The following ULK4 variants were observed in gnomAD, a reference collection of about 807,000 sequenced individuals.
ULK4 encodes the protein inactive serine/threonine-protein kinase ULK4.
A neutral mutation model predicts 160.6 loss-of-function variants in ULK4; 133 were observed. The ratio of observed to expected loss-of-function variants is 0.83; its 90% confidence interval spans 0.72 to 0.96. ULK4 has a LOEUF of 0.96. Among genes scored for constraint, ULK4 ranks in the 40% least tolerant of loss-of-function variants. The probability of loss-of-function intolerance (pLI) is 0.00; values close to 1 mark genes in which losing one functional copy is unlikely to be tolerated. For synonymous variants in ULK4, 534 were observed against 539.8 expected (o/e 0.99, Z 0.15); for missense variants, 1,580 against 1,499.5 (o/e 1.05, Z -0.89).
chr3:41,469,897 A>G (rs963474994), intron 32 of ULK4, among the ~76,000 whole-genome samples: 3 of 150,990 alleles, frequency 2.0e-5, no homozygotes, highest in Admixed American at 6.6e-5. Context: ...AAATTATCCA[A>G]TCAGAGCTGC....
chr3:41,806,217 G>C (rs1287616130), intron 19 of ULK4, among the ~76,000 whole-genome samples: 1 of 148,704 alleles, frequency 6.7e-6, no homozygotes, highest in Non-Finnish European at 1.5e-5. Flanking sequence ...TCTTGGGAGG[G>C]TGTATGTGTC....
At chr3:41,793,567 G>A (rs189226635) in intron 20 of ULK4, among the ~76,000 whole-genome samples, 2 of 152,132 alleles carry the variant, frequency 1.3e-5, no homozygotes, top group African/African-American at 4.8e-5. Flanking sequence ...ACAGAGAAGA[G>A]GAAGTAGTTA....
chr3:41,933,028 C>A (rs1429674184), intron 4 of ULK4, among the ~76,000 whole-genome samples: 1 of 152,138 alleles, frequency 6.6e-6, no homozygotes, highest in Non-Finnish European at 1.5e-5. Context: ...TGCATGAGAG[C>A]GAGACCCTGT....
chr3:41,681,840 T>G, intron 27 of ULK4, 36 bp from the exon 28 acceptor site: 1 of 1,609,098 alleles, frequency 6.2e-7, no homozygotes, highest in South Asian at 1.1e-5. Flanking sequence ...AGAATCTCTA[T>G]GAACACAAAA....
At chr3:41,823,387 T>C (rs2041217019) in intron 18 of ULK4, among the ~76,000 whole-genome samples, 1 of 152,118 alleles carries the variant, frequency 6.6e-6, no homozygotes. Context: ...GCCCAGAAGG[T>C]AATTACAGAG....
At chr3:41,355,019 C>T (rs1181803952) in intron 35 of ULK4, among the ~76,000 whole-genome samples, 1 of 152,188 alleles carries the variant, frequency 6.6e-6, no homozygotes, top group Non-Finnish European at 1.5e-5. Context: ...GCTCTCAACT[C>T]TCTACCACAC....
rs374115785 is a variant in ULK4, at chr3:41,681,213, C to T, written c.2978+295G>A. Among the ~76,000 whole-genome samples the T allele has an allele frequency of 1.2e-4, 19 of 152,252 alleles. No homozygotes were observed. The East Asian group carries it at 3.5e-3, about 28-fold the overall frequency. On this transcript the variant is annotated intron_variant, in intron 29 of 36. Transcript: ENST00000301831. Reference sequence around the variant, plus strand: ...TGTAATATAGACCTTGAATCATAACCCTCACCCCTTGAGCCATGAACACGT... The same window carrying T: ...TGTAATATAGACCTTGAATCATAACTCTCACCCCTTGAGCCATGAACACGT...
intron 33 of ULK4, among the ~76,000 whole-genome samples, chr3:41,459,120 C>T (rs1179332596): frequency 3.3e-5 from 5 of 152,142 alleles, no homozygotes; most frequent in East Asian, 1.9e-4. Context: ...GGCGTGATCT[C>T]GGTTCACTGA....
chr3:41,438,454 T>C (rs2083085324), intron 34 of ULK4, among the ~76,000 whole-genome samples: 1 of 152,106 alleles, frequency 6.6e-6, no homozygotes, highest in South Asian at 2.1e-4. Context: ...ATTTGCACCC[T>C]TCCCCAGTAG....
At position 41,431,547 on chromosome 3, in the gene ULK4, C is replaced by CTTTTTTTTTTTTTTTTTTTTTTTTTTT. The variant is rs1553664758; in HGVS notation, c.3492+23949_3492+23950insAAAAAAAAAAAAAAAAAAAAAAAAAAA. Among the ~76,000 whole-genome samples the CTTTTTTTTTTTTTTTTTTTTTTTTTTT allele has an allele frequency of 2.3e-3, 218 of 95,772 alleles. 25 individuals carry two copies. Among genetic ancestry groups the CTTTTTTTTTTTTTTTTTTTTTTTTTTT allele is most frequent in the East Asian group, 4.9e-3 (11 of 2,246 alleles). The allele number at this position is 95,772 out of a possible 152,430, so 62.8% of individuals were successfully genotyped here. A position where few individuals can be genotyped will look rare whatever the true frequency, so the allele number is the denominator to read the frequency against. ...CCTGTGAGGTGTTGTAATTCCCTCC[C>CTTTTTTTTTTTTTTTTTTTTTTTTTTT]TTTTTTTTTTTTTTTGATGTGGAAA... On this transcript the variant is annotated intron_variant, in intron 34 of 36. Coordinates refer to ENST00000301831, the MANE Select transcript of ULK4 (RefSeq NM_017886.4).
At chr3:41,354,074 G>T (rs1451632496) in intron 35 of ULK4, among the ~76,000 whole-genome samples, 11 of 152,132 alleles carry the variant, frequency 7.2e-5, no homozygotes, top group Non-Finnish European at 1.6e-4. Context: ...GGCTGAGAAG[G>T]CACCACTGCC....
intron 35 of ULK4, among the ~76,000 whole-genome samples, chr3:41,317,219 G>A (rs1279550816): frequency 6.6e-6 from 1 of 151,540 alleles, no homozygotes; most frequent in African/African-American, 2.4e-5. Context: ...GGGACTACAG[G>A]CGCCCGCCAC....
chr3:41,267,130 A>T (rs1358961032), intron 35 of ULK4, among the ~76,000 whole-genome samples: 1 of 150,558 alleles, frequency 6.6e-6, no homozygotes, highest in Non-Finnish European at 1.5e-5. Flanking sequence ...GGTCTGATGC[A>T]GCTATTGACC....
intron 21 of ULK4, among the ~76,000 whole-genome samples, chr3:41,764,951 T>C (rs973896225): frequency 5.3e-5 from 8 of 152,198 alleles, no homozygotes; most frequent in Admixed American, 2.0e-4. Context: ...ACTTTTACAC[T>C]GTTGGTGGGA....
intron 31 of ULK4, among the ~76,000 whole-genome samples, chr3:41,585,599 T>C (rs921456002): frequency 3.9e-5 from 6 of 152,170 alleles, no homozygotes; most frequent in South Asian, 4.1e-4. Context: ...CTTTGGGACA[T>C]TGAATTTGGC....
chr3:41,909,556 CA>C (rs11293708), intron 11 of ULK4, among the ~76,000 whole-genome samples: 145,520 of 151,370 alleles, frequency 0.96, 70,224 homozygotes, highest in East Asian at 1. Flanking sequence ...ACTAAAAATA[CA>C]AAAAAAAATT....
At chr3:41,305,581 T>C (rs1227870374) in intron 35 of ULK4, among the ~76,000 whole-genome samples, 1 of 152,126 alleles carries the variant, frequency 6.6e-6, no homozygotes, top group East Asian at 1.9e-4. Context: ...AACGTCCACC[T>C]CCCAGCCGCC....
intron 32 of ULK4, among the ~76,000 whole-genome samples, chr3:41,466,074 TC>T (rs553330172): frequency 3.9e-5 from 6 of 152,202 alleles, no homozygotes; most frequent in Non-Finnish European, 8.8e-5. Flanking sequence ...CAATCACTAT[TC>T]ATTTGTATGC....
At chr3:41,938,871 C>T (rs567858692) in intron 2 of ULK4, among the ~76,000 whole-genome samples, 57 of 152,122 alleles carry the variant, frequency 3.7e-4, no homozygotes, top group Admixed American at 9.8e-4. Flanking sequence ...ATTGGCTACA[C>T]TAAGACACAC....
Sources: gnomAD v4.1 joint callset for allele counts (sites outside exome capture counted in the v4.1 genomes callset) on GRCh38, gnomAD v4.1.1 for gene constraint, MANE v1.5 for transcripts, NCBI Gene and HGNC (gene_info 2026-07-23, HGNC 2026-07-21) for gene names.